Variants in SNAP91 observed in about 807,000 individuals in gnomAD.
SNAP91 encodes synaptosome associated protein 91, also known as clathrin coat assembly protein AP180.
Under a neutral mutation model 100.3 loss-of-function variants are expected in SNAP91, and 27 were observed. That is an observed-to-expected ratio of 0.27 (90% CI 0.20 to 0.37). The LOEUF is 0.37. SNAP91 is among the 10% of genes least tolerant of loss of function. SNAP91 has a pLI of 1.00. For synonymous variants in SNAP91, 404 were observed against 398.6 expected (o/e 1.01, Z -0.16); for missense variants, 986 against 1,123.7 (o/e 0.88, Z 1.75).
At chr6:83,630,745 A>G (rs1308256160) in intron 8 of SNAP91, among the ~76,000 whole-genome samples, 1 of 149,588 alleles carries the variant, frequency 6.7e-6, no homozygotes, top group Non-Finnish European at 1.5e-5. Context: ...TTTCTTGGTT[A>G]GTCTTGCTAA....
chr6:83,606,554 T>A (rs577191892), intron 13 of SNAP91, among the ~76,000 whole-genome samples: 13 of 152,338 alleles, frequency 8.5e-5, no homozygotes, highest in African/African-American at 2.6e-4. Flanking sequence ...AGAATCTTCA[T>A]TTTAATAAGA....
At chr6:83,560,343 T>C (rs1183863052) in intron 27 of SNAP91, 135 bp from the exon 28 acceptor site, 1 of 664,646 alleles carries the variant, frequency 1.5e-6, no homozygotes, top group East Asian at 2.7e-5. Context: ...AATTTGTAAT[T>C]TTAATTAGGG....
At chr6:83,681,029 A>G (rs2098981667) in intron 2 of SNAP91, among the ~76,000 whole-genome samples, 1 of 152,106 alleles carries the variant, frequency 6.6e-6, no homozygotes, top group Non-Finnish European at 1.5e-5. Context: ...TACAATTATA[A>G]CCAAAAAAAG....
chr6:83,598,212 A>C (rs796133109), intron 16 of SNAP91, among the ~76,000 whole-genome samples: 10 of 152,220 alleles, frequency 6.6e-5, no homozygotes, highest in African/African-American at 2.4e-4. Context: ...AATATTTATA[A>C]ATTTTACTAA....
intron 7 of SNAP91, among the ~76,000 whole-genome samples, chr6:83,642,408 C>T (rs1050538863): frequency 1.3e-5 from 2 of 151,994 alleles, no homozygotes; most frequent in African/African-American, 4.8e-5. Flanking sequence ...TCTCATTGTT[C>T]GATTCCCACC....
Position 83,707,647 on chromosome 6 carries a change from C to T in SNAP91, c.130+151G>A, listed in dbSNP as rs531646598. ...AGGTTTCATGGCTAACCCAAGGGAA[C>T]ACCTTCACAGCTGAAGAATTTCAGC... On this transcript the variant is annotated intron_variant, in intron 2 of 29. Transcript: ENST00000369694. The T allele has an allele frequency of 7.6e-6, 8 of 1,047,926 alleles. No homozygotes were observed. The Admixed American group carries it at 2.1e-4, about 27-fold the overall frequency. The allele number at this position is 1,047,926 out of a possible 1,614,324, so 64.9% of individuals were successfully genotyped here.
chr6:83,607,329 T>TTGTGTG (rs61335064), intron 13 of SNAP91, among the ~76,000 whole-genome samples: 48,305 of 144,614 alleles, frequency 0.33, 8,086 homozygotes, highest in Non-Finnish European at 0.37. Context: ...CCAAGTTGGG[T>TTGTGTG]TGTGTGTGTG....
chr6:83,681,473 G>A (rs1181741629), intron 2 of SNAP91, among the ~76,000 whole-genome samples: 1 of 151,932 alleles, frequency 6.6e-6, no homozygotes. Context: ...TCCTTCATTT[G>A]TTTAGATCCT....
intron 2 of SNAP91, among the ~76,000 whole-genome samples, chr6:83,692,450 G>C (rs1380061187): frequency 6.6e-6 from 1 of 152,050 alleles, no homozygotes; most frequent in Non-Finnish European, 1.5e-5. Context: ...GGGAGGCAGA[G>C]GTTACAGTGA....
chr6:83,693,810 A>G lies in SNAP91; in HGVS notation c.130+13988T>C, dbSNP rs148493822. Among the ~76,000 whole-genome samples, 21 of 152,348 alleles carry G rather than the reference A, an allele frequency of 1.4e-4. No homozygotes were observed. In the East Asian group the frequency reaches 3.9e-3, roughly 28 times the overall value. ...GGCAGATGAATCCCAGCTTGGAACC[A>G]TCCATGCTGAATGCCATTTCTGGGT... is the stretch of plus-strand genomic sequence containing the variant. On this transcript the variant is annotated intron_variant, in intron 2 of 29. Transcript: ENST00000369694.
intron 26 of SNAP91, among the ~76,000 whole-genome samples, chr6:83,565,118 C>T (rs1364270325): frequency 6.6e-6 from 1 of 151,176 alleles, no homozygotes; most frequent in East Asian, 1.9e-4. Flanking sequence ...GCAGAATATG[C>T]CACCCCAAAA....
chr6:83,558,012 T>C (rs1268891681), intron 28 of SNAP91, among the ~76,000 whole-genome samples: 1 of 152,070 alleles, frequency 6.6e-6, no homozygotes, highest in Non-Finnish European at 1.5e-5. Flanking sequence ...TGGCTTATTA[T>C]GAATTCAATT....
chr6:83,695,276 CAAAAAAAAAAAA>C (rs56103542), intron 2 of SNAP91, among the ~76,000 whole-genome samples: 3 of 67,300 alleles, frequency 4.5e-5, no homozygotes, highest in Admixed American at 2.2e-4. Flanking sequence ...GGCTCCATCT[CAAAAAAAAAAAA>C]AAAAAAAAAA....
chr6:83,699,596 A>G (rs1192590100), intron 2 of SNAP91, among the ~76,000 whole-genome samples: 2 of 152,224 alleles, frequency 1.3e-5, no homozygotes, highest in Non-Finnish European at 2.9e-5. Context: ...AAAAAGAAAG[A>G]GAATGAGAAT....
intron 3 of SNAP91, among the ~76,000 whole-genome samples, chr6:83,663,440 C>T (rs553576864): frequency 3.6e-4 from 55 of 152,208 alleles, no homozygotes; most frequent in African/African-American, 1.2e-3. Context: ...TTAATGAACA[C>T]ACAAATGATA....
chr6:83,705,347 T>C (rs1195220973), intron 2 of SNAP91, among the ~76,000 whole-genome samples: 1 of 152,186 alleles, frequency 6.6e-6, no homozygotes. Flanking sequence ...AAGACTGCAA[T>C]ATGTACGCGG....
chr6:83,619,892 A>T (rs1006480095), intron 9 of SNAP91, among the ~76,000 whole-genome samples: 3 of 152,158 alleles, frequency 2.0e-5, no homozygotes, highest in South Asian at 2.1e-4. Flanking sequence ...AACCAAATTT[A>T]AAAAAAGCAA....
At chr6:83,621,840 C>T (rs1373880757) in intron 9 of SNAP91, among the ~76,000 whole-genome samples, 1 of 151,998 alleles carries the variant, frequency 6.6e-6, no homozygotes, top group Non-Finnish European at 1.5e-5. Context: ...TGATTTGCCA[C>T]TTCTAGAAGC....
intron 8 of SNAP91, among the ~76,000 whole-genome samples, chr6:83,635,674 A>AT (rs34804089): frequency 0.8 from 122,235 of 151,936 alleles, 49,466 homozygotes; most frequent in East Asian, 0.9. Context: ...TACCATTTAC[A>AT]TCAAGGTTAG....
Sources: allele counts gnomAD v4.1 joint callset (sites outside exome capture counted in the v4.1 genomes callset), GRCh38; gene constraint gnomAD v4.1.1; transcripts MANE v1.5; gene names NCBI Gene and HGNC (gene_info 2026-07-23, HGNC 2026-07-21).